Variants in KCNN3 observed in about 807,000 individuals in gnomAD.
The protein encoded by KCNN3 is small conductance calcium-activated potassium channel protein 3.
KCNN3 carries 16 observed loss-of-function variants against 62.9 expected under a neutral mutation model. That is an observed-to-expected ratio of 0.25 (90% CI 0.17 to 0.39). The LOEUF (loss-of-function observed/expected upper bound fraction) is 0.39, where lower values mean the gene tolerates loss of function less well. Among genes scored for constraint, KCNN3 ranks in the 10% least tolerant of loss-of-function variants. The pLI is 1.00. For synonymous variants in KCNN3, 370 were observed against 389.2 expected (o/e 0.95, Z 0.58); for missense variants, 599 against 949.4 (o/e 0.63, Z 4.85).
At chr1:154,797,687 T>C (rs144655013) in intron 2 of KCNN3, among the ~76,000 whole-genome samples, 141 of 152,306 alleles carry the variant, frequency 9.3e-4, no homozygotes, top group African/African-American at 3.2e-3. Flanking sequence ...CCAGGAACAG[T>C]GTAAGCACTC....
At chr1:154,796,772 G>A (rs1221229764) in intron 2 of KCNN3, among the ~76,000 whole-genome samples, 2 of 152,242 alleles carry the variant, frequency 1.3e-5, no homozygotes, top group East Asian at 1.9e-4. Context: ...AAGGCACTCC[G>A]GTGGCATTGG....
intron 1 of KCNN3, among the ~76,000 whole-genome samples, chr1:154,835,176 T>C (rs975445391): frequency 1.3e-5 from 2 of 152,226 alleles, no homozygotes. Flanking sequence ...ACTCTCCCAG[T>C]CGAGGGTTCC....
rs60161870 is a variant in KCNN3 at position 154,772,712 on chromosome 1, C to T, written c.1030-319G>A. On this transcript the variant is annotated intron_variant, in intron 2 of 7. Coordinates refer to ENST00000271915, the MANE Select transcript of KCNN3 (RefSeq NM_002249.6). The surrounding 1 kb of genome is among the most constrained non-coding windows in gnomAD (Gnocchi z 5.6). The stretch of plus-strand genomic sequence containing the variant: ...TACTTGGTCTTTATCCTGGTTTAGG[C>T]ACAGTTCCCAAAACGCTCGGAATTT... Among the ~76,000 whole-genome samples, 56,692 of 152,028 alleles carry T rather than the reference C, an allele frequency of 0.37. 10,757 individuals are homozygous for T. Among genetic ancestry groups the T allele is most frequent in the Middle Eastern group, 0.51 (149 of 294 alleles).
At chr1:154,758,824 T>TTGTTTTTGTTTTTGTTTTTG (rs143684112) in intron 3 of KCNN3, among the ~76,000 whole-genome samples, 24 of 151,984 alleles carry the variant, frequency 1.6e-4, no homozygotes, top group Admixed American at 6.6e-4. Context: ...GTTTTTGTTT[T>TTGTTTTTGTTTTTGTTTTTG]TGAGATGGAG....
In KCNN3 at chr1:154,699,379, T is replaced by C. The variant is rs550593195; in HGVS notation, c.*8597A>G. 1.1e-4 allele frequency: 17 copies of C among 152,266 alleles called. No individual in the cohort carries two copies. Among genetic ancestry groups the C allele is most frequent in the African/African-American group, 3.9e-4 (16 of 41,528 alleles). The allele number at this position is 152,266 out of a possible 1,614,324, so 9.4% of individuals were successfully genotyped here. Reference sequence around the variant, plus strand: ...AAGCATTTATATATGTATGTATATATTATATATGAATGTGCGGGTATATGT... The same window carrying C: ...AAGCATTTATATATGTATGTATATACTATATATGAATGTGCGGGTATATGT... On this transcript the variant is annotated 3_prime_UTR_variant, in exon 8 of 8. Coordinates refer to ENST00000271915, the MANE Select transcript of KCNN3 (RefSeq NM_002249.6).
intron 3 of KCNN3, among the ~76,000 whole-genome samples, chr1:154,757,087 T>G (rs1415501719): frequency 6.6e-6 from 1 of 152,144 alleles, no homozygotes; most frequent in African/African-American, 2.4e-5. Flanking sequence ...GGAGGGAGAA[T>G]GTCCAGGTAA....
intron 5 of KCNN3, among the ~76,000 whole-genome samples, chr1:154,719,571 A>G (rs1288060749): frequency 6.6e-6 from 1 of 152,172 alleles, no homozygotes; most frequent in Non-Finnish European, 1.5e-5. Flanking sequence ...CTTGTTATGC[A>G]GTGCATGACT....
Position 154,818,392 on chromosome 1 carries a change from C to A in KCNN3, c.1029+3697G>T, listed in dbSNP as rs556322217. On this transcript the variant is annotated intron_variant, in intron 2 of 7. Transcript: ENST00000271915. ...GTAGGGCAGCCTCTCCCAGGGGGGC[C>A]AGCAGCTCCGTCACAGTAGCACACA... is the stretch of plus-strand genomic sequence containing the variant. Among the ~76,000 whole-genome samples the A allele has an allele frequency of 5.9e-5, 9 of 152,352 alleles. No homozygotes were observed. The East Asian group carries it at 1.7e-3, about 29-fold the overall frequency.
At chr1:154,856,007 C>A (rs1349316999) in intron 1 of KCNN3, among the ~76,000 whole-genome samples, 1 of 152,196 alleles carries the variant, frequency 6.6e-6, no homozygotes, top group Non-Finnish European at 1.5e-5. Flanking sequence ...CTCCCTCTCC[C>A]CGCCCTGAGG....
intron 2 of KCNN3, among the ~76,000 whole-genome samples, chr1:154,790,742 G>A (rs187012801): frequency 5.3e-5 from 8 of 152,218 alleles, no homozygotes; most frequent in African/African-American, 9.6e-5. Context: ...TCAAATCATC[G>A]TTAAATCTGG....
At chr1:154,840,996 G>T (rs1304633530) in intron 1 of KCNN3, among the ~76,000 whole-genome samples, 4 of 151,612 alleles carry the variant, frequency 2.6e-5, no homozygotes, top group African/African-American at 9.7e-5. Context: ...AAGCCACCAG[G>T]TGGAGACCAG....
chr1:154,802,112 G>C (rs1320142786), intron 2 of KCNN3, among the ~76,000 whole-genome samples: 2 of 152,224 alleles, frequency 1.3e-5, no homozygotes, highest in African/African-American at 4.8e-5. Flanking sequence ...ACTGCTTTCT[G>C]AGCATTATTT....
chr1:154,786,494 T>C (rs556668855), intron 2 of KCNN3, among the ~76,000 whole-genome samples: 2 of 152,348 alleles, frequency 1.3e-5, no homozygotes, highest in East Asian at 3.9e-4. Flanking sequence ...TCTATATGTA[T>C]TGACTTAGAA....
At chr1:154,857,164 G>A (rs554725370) in intron 1 of KCNN3, among the ~76,000 whole-genome samples, 67 of 152,264 alleles carry the variant, frequency 4.4e-4, no homozygotes, top group African/African-American at 1.4e-3. Flanking sequence ...TATTCCTCAT[G>A]ACACCCATTC....
rs955430749 is a variant in KCNN3, at chr1:154,704,185, G to A, written c.*3791C>T. ...ATTTACTTTTGCGTACATTTTCTAT[G>A]TCTCCTAATTCACAAGATTGTTGTT... is the stretch of plus-strand genomic sequence containing the variant. On this transcript the variant is annotated 3_prime_UTR_variant, in exon 8 of 8. Transcript: ENST00000271915. 6.6e-6 allele frequency: 1 copy of A among 152,190 alleles called. No individual in the cohort carries two copies. Among genetic ancestry groups the A allele is most frequent in the Admixed American group, 6.5e-5 (1 of 15,278 alleles). The allele number at this position is 152,190 out of a possible 1,614,324, so 9.4% of individuals were successfully genotyped here.
chr1:154,751,891 C>A (rs992814384), intron 3 of KCNN3, among the ~76,000 whole-genome samples: 10 of 152,152 alleles, frequency 6.6e-5, no homozygotes, highest in African/African-American at 2.2e-4. Context: ...TGCCAGGGAA[C>A]AAAGGAGAAG....
chr1:154,810,888 C>A (rs1308051613), intron 2 of KCNN3, among the ~76,000 whole-genome samples: 1 of 152,250 alleles, frequency 6.6e-6, no homozygotes, highest in Non-Finnish European at 1.5e-5. Context: ...ACCTGGCTAG[C>A]TTTGGAGATG....
At chr1:154,813,656 G>A (rs553945162) in intron 2 of KCNN3, among the ~76,000 whole-genome samples, 4 of 152,288 alleles carry the variant, frequency 2.6e-5, no homozygotes, top group East Asian at 1.9e-4. Context: ...CCCAGCTGAC[G>A]GGGAGGTCAA....
At chr1:154,758,571 G>T (rs915418262) in intron 3 of KCNN3, among the ~76,000 whole-genome samples, 2 of 152,270 alleles carry the variant, frequency 1.3e-5, no homozygotes, top group Admixed American at 6.5e-5. Context: ...GGGCCAGCAG[G>T]CTTCCAGGGC....
Sources: gnomAD v4.1 joint callset for allele counts (sites outside exome capture counted in the v4.1 genomes callset) on GRCh38, gnomAD v4.1.1 for gene constraint, Gnocchi (gnomAD v3.1) non-coding constraint, MANE v1.5 for transcripts, NCBI Gene and HGNC (gene_info 2026-07-23, HGNC 2026-07-21) for gene names.